AK5: variants seen among roughly 807,000 people sequenced by gnomAD.
AK5 encodes adenylate kinase isoenzyme 5.
AK5 carries 27 observed loss-of-function variants against 69.5 expected under a neutral mutation model. The observed-to-expected ratio is 0.39, with a 90% CI of 0.29 to 0.54. The LOEUF is 0.54. Ranked by LOEUF, AK5 falls within the 20% of genes least tolerant of loss-of-function variation. The pLI, the probability that AK5 is intolerant of heterozygous loss-of-function variation, is 0.71. For synonymous variants in AK5, 260 were observed against 244.4 expected, an observed-to-expected ratio of 1.06 and a Z score of -0.60; for missense variants, 531 against 700.4, an observed-to-expected ratio of 0.76 and a Z score of 2.73.
chr1:77,399,256 A>G (rs1331663082), intron 6 of AK5, among the ~76,000 whole-genome samples: 1 of 152,152 alleles, frequency 6.6e-6, no homozygotes, highest in Non-Finnish European at 1.5e-5. Context: ...GAATCTATAA[A>G]ATTTAGACAA....
intron 13 of AK5, among the ~76,000 whole-genome samples, chr1:77,555,168 C>T (rs1470964023): frequency 6.6e-6 from 1 of 152,102 alleles, no homozygotes; most frequent in Admixed American, 6.5e-5. Context: ...ATCCCAGCTA[C>T]TCGGGAGGCT....
chr1:77,531,989 T>TCCGGCCGGCCGGCCGG (rs78163096), intron 12 of AK5: 32 of 148,624 alleles, frequency 2.2e-4, no homozygotes, highest in Admixed American at 3.3e-4. Context: ...CCTGCGGCCA[T>TCCGGCCGGCCGGCCGG]CCGGCCGGCC....
chr1:77,282,043 G>C lies in AK5; in HGVS notation c.-271G>C, dbSNP rs1291275708. 2 of 327,352 alleles carry C rather than the reference G, an allele frequency of 6.1e-6. No homozygotes were observed. Among genetic ancestry groups the C allele is most frequent in the Non-Finnish European group, 1.1e-5 (2 of 180,416 alleles). 20.3% of individuals were successfully genotyped at this position (327,352 alleles called of 1,614,324 possible). On this transcript the variant is annotated 5_prime_UTR_variant, in exon 1 of 14. Transcript: ENST00000354567. ...TGGCGGCCGCGCTGCCTGGCAGCCC[G>C]GGAAGCCGCGGCACAGCTGCTCGGC...
intron 5 of AK5, among the ~76,000 whole-genome samples, chr1:77,334,545 C>T (rs1432908300): frequency 6.6e-6 from 1 of 151,938 alleles, no homozygotes; most frequent in African/African-American, 2.4e-5. Flanking sequence ...TCTTCATTTT[C>T]TCTCCGTTTC....
chr1:77,446,475 G>A (rs1442959356), intron 8 of AK5, among the ~76,000 whole-genome samples: 2 of 151,976 alleles, frequency 1.3e-5, no homozygotes, highest in Non-Finnish European at 2.9e-5. Context: ...ATATCTTTGG[G>A]ATTTTTATAG....
intron 6 of AK5, among the ~76,000 whole-genome samples, chr1:77,365,507 G>C (rs186376317): frequency 1.3e-5 from 2 of 152,302 alleles, no homozygotes; most frequent in African/African-American, 4.8e-5. Flanking sequence ...TTGGCACAAG[G>C]GACCAGTTTT....
At chr1:77,346,091 C>T (rs1279998924) in intron 6 of AK5, 1 of 152,158 alleles carries the variant, frequency 6.6e-6, no homozygotes, top group East Asian at 1.9e-4. Flanking sequence ...AGTGGAAATG[C>T]ATCATCATAA....
At chr1:77,399,669 A>G (rs1649070074) in intron 6 of AK5, among the ~76,000 whole-genome samples, 1 of 152,228 alleles carries the variant, frequency 6.6e-6, no homozygotes, top group South Asian at 2.1e-4. Context: ...CCATTCTCCC[A>G]TCTCAGAGAG....
At chr1:77,450,221 G>A (rs1653059896) in intron 8 of AK5, among the ~76,000 whole-genome samples, 1 of 152,124 alleles carries the variant, frequency 6.6e-6, no homozygotes, top group Non-Finnish European at 1.5e-5. Flanking sequence ...AAGTCTCTAG[G>A]AAGTTCCAAA....
chr1:77,289,276 T>C (rs945083145), intron 2 of AK5, among the ~76,000 whole-genome samples: 3 of 152,180 alleles, frequency 2.0e-5, no homozygotes, highest in African/African-American at 7.2e-5. Flanking sequence ...CTTTAGCCAG[T>C]TGCTGCTGCA....
chr1:77,445,304 T>A (rs1652678624), intron 8 of AK5, among the ~76,000 whole-genome samples: 1 of 152,200 alleles, frequency 6.6e-6, no homozygotes, highest in Non-Finnish European at 1.5e-5. Context: ...TGTTATGTTG[T>A]CTGATAGTAG....
chr1:77,307,181 A>T (rs965061962), intron 5 of AK5, among the ~76,000 whole-genome samples: 1 of 151,524 alleles, frequency 6.6e-6, no homozygotes, highest in Non-Finnish European at 1.5e-5. Flanking sequence ...TTCAGGATGC[A>T]TCTTTAGATT....
intron 6 of AK5, among the ~76,000 whole-genome samples, chr1:77,343,818 A>C (rs558519736): frequency 6.6e-6 from 1 of 152,116 alleles, no homozygotes; most frequent in Non-Finnish European, 1.5e-5. Flanking sequence ...TTCCCCAGCA[A>C]ATGCTCATCT....
chr1:77,298,147 GA>G (rs1383841202), intron 5 of AK5, 200 bp downstream of exon 5: 2 of 444,650 alleles, frequency 4.5e-6, no homozygotes, highest in Non-Finnish European at 7.9e-6. Context: ...CTGCCAAAAG[GA>G]AAGATAACTA....
chr1:77,393,429 G>T (rs1056925443), intron 6 of AK5, among the ~76,000 whole-genome samples: 4 of 152,004 alleles, frequency 2.6e-5, no homozygotes, highest in African/African-American at 9.7e-5. Flanking sequence ...TTGCTATTGT[G>T]GCTTTTCTTT....
chr1:77,406,780 G>A (rs750161393), intron 6 of AK5, among the ~76,000 whole-genome samples: 5 of 151,252 alleles, frequency 3.3e-5, no homozygotes, highest in Non-Finnish European at 5.9e-5. Flanking sequence ...TAGTGCCAGT[G>A]TCCTTCAGGC....
At chr1:77,388,015 A>C (rs1378947595) in intron 6 of AK5, among the ~76,000 whole-genome samples, 1 of 152,056 alleles carries the variant, frequency 6.6e-6, no homozygotes, top group Non-Finnish European at 1.5e-5. Context: ...TCAGCTGCTT[A>C]TTTTCTTATT....
At chr1:77,527,101 T>G (rs1259049410) in intron 12 of AK5, among the ~76,000 whole-genome samples, 1 of 152,222 alleles carries the variant, frequency 6.6e-6, no homozygotes, top group Non-Finnish European at 1.5e-5. Context: ...TCATTTATTA[T>G]GGAGATAATA....
intron 13 of AK5, among the ~76,000 whole-genome samples, chr1:77,545,490 T>C (rs1055580421): frequency 6.6e-6 from 1 of 152,210 alleles, no homozygotes; most frequent in African/African-American, 2.4e-5. Flanking sequence ...TTGTTTCTAG[T>C]TCAGTTTGGT....
Sources: allele counts gnomAD v4.1 joint callset (sites outside exome capture counted in the v4.1 genomes callset), GRCh38; gene constraint gnomAD v4.1.1; transcripts MANE v1.5; gene names NCBI Gene and HGNC (gene_info 2026-07-23, HGNC 2026-07-21).